CNTNAP5: variants seen among roughly 807,000 people sequenced by gnomAD.
CNTNAP5 encodes the protein contactin associated protein family member 5.
In CNTNAP5, 72 loss-of-function variants were observed where a neutral mutation model predicts 150.2. The observed-to-expected ratio is 0.48, with a 90% CI of 0.40 to 0.58. CNTNAP5 has a LOEUF of 0.58. Among genes scored for constraint, CNTNAP5 ranks in the 20% least tolerant of loss-of-function variants. The probability of loss-of-function intolerance (pLI) is 0.00; values close to 1 mark genes in which losing one functional copy is unlikely to be tolerated. For missense variants in CNTNAP5, 1,636 were observed against 1,626.2 expected (o/e 1.01, Z -0.10); for synonymous variants, 672 against 619.8 (o/e 1.08, Z -1.25).
intron 6 of CNTNAP5, among the ~76,000 whole-genome samples, chr2:124,471,665 G>T (rs532193238): frequency 2.6e-5 from 4 of 152,200 alleles, no homozygotes; most frequent in Admixed American, 2.0e-4. Flanking sequence ...AATGCTTCTG[G>T]TTTTTGCCCA....
chr2:124,135,562 CATT>C (rs1390153765), intron 1 of CNTNAP5, among the ~76,000 whole-genome samples: 2 of 152,210 alleles, frequency 1.3e-5, no homozygotes, highest in African/African-American at 4.8e-5. Context: ...GAAGAACTTA[CATT>C]AATCAAACAA....
At chr2:124,326,716 C>G (rs13402327) in intron 3 of CNTNAP5, among the ~76,000 whole-genome samples, 78,034 of 151,810 alleles carry the variant, frequency 0.51, 21,442 homozygotes, top group African/African-American at 0.69. Flanking sequence ...CTTGAGCCCA[C>G]GTGTTCAAGA....
In CNTNAP5 at chr2:124,277,709, G is replaced by T. The variant is rs1399171362; in HGVS notation, c.381+35316G>T. 3.3e-5 allele frequency among the ~76,000 whole-genome samples: 5 copies of T among 152,124 alleles called. No individual in the cohort carries two copies. In the South Asian group the frequency reaches 8.3e-4, roughly 25 times the overall value. ...CATTTGTGAATAGGTTGATCTGCTAGCAAGAACAGCTCTAATGGAGGCAGG... is the reference window on the plus strand; with the variant it reads ...CATTTGTGAATAGGTTGATCTGCTATCAAGAACAGCTCTAATGGAGGCAGG... On this transcript the variant is annotated intron_variant, in intron 3 of 23. Transcript: ENST00000682447.
chr2:124,709,082 A>G (rs1178013755), intron 13 of CNTNAP5, among the ~76,000 whole-genome samples: 1 of 151,942 alleles, frequency 6.6e-6, no homozygotes, highest in African/African-American at 2.4e-5. Flanking sequence ...TTTGTATTCC[A>G]TATTTTTTCC....
intron 3 of CNTNAP5, among the ~76,000 whole-genome samples, chr2:124,326,056 A>G (rs1021950548): frequency 1.7e-4 from 25 of 148,688 alleles, no homozygotes; most frequent in Non-Finnish European, 1.5e-5. Context: ...ATAACAAATA[A>G]GTAATACATA....
intron 6 of CNTNAP5, among the ~76,000 whole-genome samples, chr2:124,464,963 C>T (rs761586759): frequency 6.6e-6 from 1 of 152,048 alleles, no homozygotes; most frequent in Non-Finnish European, 1.5e-5. Flanking sequence ...GTGAGACAAA[C>T]ATTTACAAAT....
chr2:124,209,926 G>A (rs1453901089), intron 1 of CNTNAP5, among the ~76,000 whole-genome samples: 1 of 152,134 alleles, frequency 6.6e-6, no homozygotes, highest in Admixed American at 6.6e-5. Flanking sequence ...GGTGATGTGC[G>A]GGCATTCAAG....
chr2:124,341,944 G>T (rs1259691102), intron 3 of CNTNAP5, among the ~76,000 whole-genome samples: 1 of 152,116 alleles, frequency 6.6e-6, no homozygotes, highest in South Asian at 2.1e-4. Context: ...TCAGAAAATT[G>T]GGAGAAAATT....
intron 4 of CNTNAP5, among the ~76,000 whole-genome samples, chr2:124,431,797 A>T (rs1692395534): frequency 6.6e-6 from 1 of 151,614 alleles, no homozygotes; most frequent in South Asian, 2.1e-4. Flanking sequence ...GTGTAATTGA[A>T]TACATTGTTA....
intron 3 of CNTNAP5, among the ~76,000 whole-genome samples, chr2:124,376,804 T>G (rs1268761526): frequency 1.3e-5 from 2 of 152,116 alleles, no homozygotes; most frequent in African/African-American, 4.8e-5. Flanking sequence ...CTACCTTTTT[T>G]TCTTTTAAGC....
At chr2:124,601,511 A>T (rs1239240042) in intron 11 of CNTNAP5, among the ~76,000 whole-genome samples, 1 of 152,202 alleles carries the variant, frequency 6.6e-6, no homozygotes, top group Non-Finnish European at 1.5e-5. Context: ...TAGAGACCAA[A>T]ACAAAACACA....
chr2:124,125,670 A>T (rs557363547), intron 1 of CNTNAP5, among the ~76,000 whole-genome samples: 32 of 152,224 alleles, frequency 2.1e-4, no homozygotes, highest in African/African-American at 7.7e-4. Flanking sequence ...GAAGTAAAGC[A>T]CTCCTCAGTA....
At chr2:124,142,427 A>T (rs1165786898) in intron 1 of CNTNAP5, among the ~76,000 whole-genome samples, 2 of 151,966 alleles carry the variant, frequency 1.3e-5, no homozygotes, top group Non-Finnish European at 2.9e-5. Context: ...AACAGAAATT[A>T]TAACAAACTA....
chr2:124,408,147 C>T (rs1691631298), intron 3 of CNTNAP5, among the ~76,000 whole-genome samples: 1 of 152,222 alleles, frequency 6.6e-6, no homozygotes, highest in Non-Finnish European at 1.5e-5. Flanking sequence ...AATCGGGTCA[C>T]TCCCACCCGA....
rs796283178 is a variant in CNTNAP5 at position 124,767,758 on chromosome 2, G to T, written c.2533+3611G>T. 9.8e-5 allele frequency among the ~76,000 whole-genome samples: 15 copies of T among 152,308 alleles called. 1 individual carries two copies. The highest frequency in any genetic ancestry group is 3.4e-4 in the African/African-American group (14 of 41,576). On this transcript the variant is annotated intron_variant, in intron 16 of 23. Transcript: ENST00000682447. ...GTACTGGAGCATGTGACTAAGCCCA[G>T]AGGAGGTAGGACTGGCTTCGTTTAT...
At chr2:124,375,668 T>C (rs1690628930) in intron 3 of CNTNAP5, among the ~76,000 whole-genome samples, 1 of 152,058 alleles carries the variant, frequency 6.6e-6, no homozygotes, top group South Asian at 2.1e-4. Context: ...ATTTCCTGGT[T>C]TGGGGGACTG....
chr2:124,484,204 G>C (rs1456394712), intron 7 of CNTNAP5, among the ~76,000 whole-genome samples: 1 of 152,192 alleles, frequency 6.6e-6, no homozygotes, highest in Non-Finnish European at 1.5e-5. Context: ...ACTTGGCTTG[G>C]ATATGGTAGA....
intron 3 of CNTNAP5, among the ~76,000 whole-genome samples, chr2:124,259,955 A>G (rs1687409704): frequency 6.6e-6 from 1 of 152,194 alleles, no homozygotes; most frequent in Non-Finnish European, 1.5e-5. Context: ...GGTAATTTAT[A>G]GATTCAATGC....
chr2:124,348,679 T>A (rs1199559260), intron 3 of CNTNAP5, among the ~76,000 whole-genome samples: 2 of 152,198 alleles, frequency 1.3e-5, no homozygotes, highest in East Asian at 3.8e-4. Flanking sequence ...CGAAGGAAGA[T>A]ATCCGAGTTC....
Sources: gnomAD v4.1 joint callset for allele counts (sites outside exome capture counted in the v4.1 genomes callset) on GRCh38, gnomAD v4.1.1 for gene constraint, MANE v1.5 for transcripts, NCBI Gene and HGNC (gene_info 2026-07-23, HGNC 2026-07-21) for gene names.